Variants in DNAAF11 observed in about 807,000 individuals in gnomAD.
DNAAF11 encodes the protein leucine rich repeat containing 6.
A neutral mutation model predicts 60.8 loss-of-function variants in DNAAF11; 45 were observed. The observed-to-expected ratio is 0.74, with a 90% confidence interval of 0.58 to 0.95. DNAAF11 has a LOEUF of 0.95. Among genes scored for constraint, DNAAF11 ranks in the 40% least tolerant of loss-of-function variants. The pLI is 0.00. For missense variants in DNAAF11, 546 were observed against 546.2 expected (o/e 1.00, Z 0.00); for synonymous variants, 191 against 183.5 (o/e 1.04, Z -0.33).
chr8:132,692,684 C>T, the DNAAF11 span, among the ~76,000 whole-genome samples: 1 of 152,226 alleles, frequency 6.6e-6, no homozygotes, highest in East Asian at 1.9e-4. Flanking sequence ...CTTCTTCACC[C>T]TGTGCAGGTC....
the DNAAF11 span, among the ~76,000 whole-genome samples, chr8:132,686,835 AT>A: frequency 6.6e-6 from 1 of 152,168 alleles, no homozygotes; most frequent in Non-Finnish European, 1.5e-5. Flanking sequence ...AGGTGTGTAA[AT>A]AAAGATTTGG....
chr8:132,583,890 A>T, intron 10 of DNAAF11, 111 bp from the exon 11 acceptor site: 1 of 739,578 alleles, frequency 1.4e-6, no homozygotes, highest in Non-Finnish European at 2.3e-6. Flanking sequence ...TTTTTTCTCT[A>T]CATATTCCAT....
At chr8:132,678,501 G>A (rs1199651357), upstream of DNAAF11, among the ~76,000 whole-genome samples, 1 of 152,092 alleles carries the variant, frequency 6.6e-6, no homozygotes, top group African/African-American at 2.4e-5. Flanking sequence ...CCAGGTTTCA[G>A]TCTTCAACCT....
At chr8:132,643,768 C>T (rs556679377) in intron 3 of DNAAF11, 56 of 454,108 alleles carry the variant, frequency 1.2e-4, no homozygotes, top group South Asian at 8.1e-4. Context: ...TGAGTGCATT[C>T]GTTAGACACT....
At chr8:132,575,144 A>G (rs1410110866) in intron 11 of DNAAF11, among the ~76,000 whole-genome samples, 3 of 152,176 alleles carry the variant, frequency 2.0e-5, no homozygotes, top group Admixed American at 2.0e-4. Context: ...TAGAGTGTCT[A>G]GGGTAGCTTG....
intron 11 of DNAAF11, chr8:132,578,514 T>G: frequency 1.3e-6 from 2 of 1,514,668 alleles, no homozygotes; most frequent in South Asian, 2.4e-5. Context: ...TCCAGTAGAA[T>G]AGCTGGAAGA....
At chr8:132,687,631 CAT>C in the DNAAF11 span, 1 of 456,096 alleles carries the variant, frequency 2.2e-6, no homozygotes, top group South Asian at 1.5e-5. Flanking sequence ...AATCCTCACC[CAT>C]CGTGTGGTTG....
chr8:132,658,601 A>G (rs552783355), intron 2 of DNAAF11, among the ~76,000 whole-genome samples: 4 of 152,280 alleles, frequency 2.6e-5, no homozygotes, highest in East Asian at 1.9e-4. Context: ...GATTACAGGC[A>G]TGAGCCACCG....
chr8:132,698,086 A>G, the DNAAF11 span, among the ~76,000 whole-genome samples: 2 of 152,184 alleles, frequency 1.3e-5, no homozygotes, highest in Admixed American at 6.5e-5. Flanking sequence ...GTGGTTGACA[A>G]TTGACCTCAA....
chr8:132,605,929 T>G (rs1207961078), intron 10 of DNAAF11, among the ~76,000 whole-genome samples: 1 of 149,164 alleles, frequency 6.7e-6, no homozygotes, highest in African/African-American at 2.5e-5. Flanking sequence ...TAGAAGATGA[T>G]GTCAGGGACA....
At chr8:132,657,757 A>G (rs1823724823) in intron 2 of DNAAF11, among the ~76,000 whole-genome samples, 1 of 152,214 alleles carries the variant, frequency 6.6e-6, no homozygotes, top group Admixed American at 6.5e-5. Flanking sequence ...CAATGTTCTC[A>G]GCATTTAGTA....
intron 3 of DNAAF11, among the ~76,000 whole-genome samples, chr8:132,644,232 C>A (rs1230950467): frequency 1.3e-5 from 2 of 152,140 alleles, no homozygotes; most frequent in African/African-American, 2.4e-5. Context: ...ATGTCCCAGC[C>A]AAATATCTCA....
chr8:132,611,234 C>T, intron 9 of DNAAF11, 60 bp downstream of exon 9: 1 of 1,212,616 alleles, frequency 8.2e-7, no homozygotes, highest in Non-Finnish European at 1.2e-6. Flanking sequence ...ATTTGAGGCA[C>T]CACAGCTTAG....
chr8:132,638,726 A>G (rs1821559608), intron 3 of DNAAF11, among the ~76,000 whole-genome samples: 1 of 152,172 alleles, frequency 6.6e-6, no homozygotes, highest in Non-Finnish European at 1.5e-5. Flanking sequence ...ATAATAGAAA[A>G]AGGGTGAGTC....
chr8:132,587,950 T>C (rs1336158932), intron 10 of DNAAF11, among the ~76,000 whole-genome samples: 2 of 152,260 alleles, frequency 1.3e-5, no homozygotes, highest in East Asian at 3.9e-4. Context: ...TGGGTTGAAG[T>C]TTCATTACAT....
At chr8:132,590,932 G>A (rs1474532182) in intron 10 of DNAAF11, among the ~76,000 whole-genome samples, 1 of 152,192 alleles carries the variant, frequency 6.6e-6, no homozygotes, top group East Asian at 1.9e-4. Flanking sequence ...TTGATCTACA[G>A]ATGAGAGTTA....
intron 2 of DNAAF11, among the ~76,000 whole-genome samples, chr8:132,657,999 T>C (rs1039240098): frequency 3.3e-5 from 5 of 152,208 alleles, no homozygotes; most frequent in Non-Finnish European, 7.3e-5. Context: ...GAATGTGCAC[T>C]GGGGGCAGCC....
chr8:132,581,708 T>C (rs949651868), intron 11 of DNAAF11, among the ~76,000 whole-genome samples: 1 of 149,560 alleles, frequency 6.7e-6, no homozygotes, highest in Non-Finnish European at 1.5e-5. Flanking sequence ...AGAACAAGCC[T>C]GAGGTTTCAT....
chr8:132,589,238 C>T (rs1443785335), intron 10 of DNAAF11, among the ~76,000 whole-genome samples: 1 of 152,128 alleles, frequency 6.6e-6, no homozygotes, highest in African/African-American at 2.4e-5. Context: ...CAAGCATGAG[C>T]AGAGACAGGA....
Sources: allele counts gnomAD v4.1 joint callset (sites outside exome capture counted in the v4.1 genomes callset), GRCh38; gene constraint gnomAD v4.1.1; transcripts MANE v1.5; gene names NCBI Gene and HGNC (gene_info 2026-07-23, HGNC 2026-07-21).